Variants in AKAP19 observed in about 807,000 individuals in gnomAD.
AKAP19 encodes the protein A-kinase anchoring protein 19.
At chr2:190,142,748 A>G in the AKAP19 span, among the ~76,000 whole-genome samples, 2 of 152,244 alleles carry the variant, frequency 1.3e-5, no homozygotes, top group Non-Finnish European at 2.9e-5. Context: ...CCTTGACTGC[A>G]GCCACTGTGC....
At chr2:190,186,101 G>A in the AKAP19 span, among the ~76,000 whole-genome samples, 1 of 151,858 alleles carries the variant, frequency 6.6e-6, no homozygotes, top group Admixed American at 6.5e-5. This position sits in a 1 kb window ranked among gnomAD's most constrained non-coding sequence, Gnocchi z 5.5. Flanking sequence ...ACAGGCATAT[G>A]CCACCACACC....
At chr2:190,114,980 A>G in the AKAP19 span, among the ~76,000 whole-genome samples, 1 of 151,710 alleles carries the variant, frequency 6.6e-6, no homozygotes, top group East Asian at 1.9e-4. Context: ...TTATTTCAAA[A>G]TGCTCATGTT....
At chr2:189,982,657 A>G in the AKAP19 span, among the ~76,000 whole-genome samples, 1 of 92,640 alleles carries the variant, frequency 1.1e-5, no homozygotes, top group African/African-American at 4.2e-5. Flanking sequence ...TTTGGATGGA[A>G]CCTTAACTTT....
the AKAP19 span, among the ~76,000 whole-genome samples, chr2:190,083,008 T>G: frequency 6.6e-6 from 1 of 152,238 alleles, no homozygotes; most frequent in Non-Finnish European, 1.5e-5. Flanking sequence ...GCATACATTA[T>G]GGAATGGCTA....
the AKAP19 span, chr2:190,060,180 G>A: frequency 4.8e-5 from 77 of 1,612,928 alleles, no homozygotes; most frequent in Non-Finnish European, 6.4e-5. Flanking sequence ...TTGCAACACT[G>A]TCTTCACATC....
the AKAP19 span, among the ~76,000 whole-genome samples, chr2:189,897,030 T>C: frequency 0.012 from 1,884 of 152,220 alleles, 36 homozygotes; most frequent in African/African-American, 0.04. Flanking sequence ...CATTACTAGC[T>C]GTGTTACTGT....
the AKAP19 span, among the ~76,000 whole-genome samples, chr2:190,091,124 G>A: frequency 6.6e-6 from 1 of 152,188 alleles, no homozygotes; most frequent in Non-Finnish European, 1.5e-5. Context: ...CTGTTTACCA[G>A]TTGACACTTT....
At chr2:190,072,973 C>T in the AKAP19 span, among the ~76,000 whole-genome samples, 16 of 152,012 alleles carry the variant, frequency 1.1e-4, no homozygotes, top group African/African-American at 3.6e-4. Flanking sequence ...AAAGTGACAG[C>T]TAAAACAAAA....
chr2:190,104,771 C>A, the AKAP19 span, among the ~76,000 whole-genome samples: 1 of 151,998 alleles, frequency 6.6e-6, no homozygotes, highest in Non-Finnish European at 1.5e-5. Flanking sequence ...GCTTAGGTGA[C>A]AAAGCAAGAC....
At chr2:190,115,260 CATATATATATATATATATATATATATAT>C in the AKAP19 span, among the ~76,000 whole-genome samples, 405 of 11,138 alleles carry the variant, frequency 0.036, 9 homozygotes, top group Non-Finnish European at 0.051. Context: ...AGGCAAGAAG[CATATATATATATATATATATATATATAT>C]ATATATATAT....
chr2:189,939,324 G>A, the AKAP19 span, among the ~76,000 whole-genome samples: 3 of 152,280 alleles, frequency 2.0e-5, no homozygotes, highest in Admixed American at 1.3e-4. Flanking sequence ...CCCAATTTGG[G>A]ATGGGGAACA....
the AKAP19 span, among the ~76,000 whole-genome samples, chr2:189,910,002 T>G: frequency 6.6e-5 from 10 of 152,158 alleles, no homozygotes; most frequent in Admixed American, 1.3e-4. Context: ...TGCTTTAATT[T>G]GTGCTTGGAT....
At chr2:190,163,429 G>C in the AKAP19 span, among the ~76,000 whole-genome samples, 5 of 146,658 alleles carry the variant, frequency 3.4e-5, no homozygotes, top group South Asian at 1.1e-3. Context: ...GCGAGACTCC[G>C]TCTCAAAAAA....
At chr2:190,186,014 C>T in the AKAP19 span, among the ~76,000 whole-genome samples, 4 of 152,070 alleles carry the variant, frequency 2.6e-5, no homozygotes, top group Non-Finnish European at 5.9e-5. The surrounding 1 kb of genome is among the most constrained non-coding windows in gnomAD (Gnocchi z 5.5). Context: ...TGCAGTGGTG[C>T]GATCTTGGCT....
the AKAP19 span, among the ~76,000 whole-genome samples, chr2:189,983,439 G>C: frequency 6.6e-6 from 1 of 152,212 alleles, no homozygotes. Context: ...ACTTTCAGCA[G>C]GGGTAGAGCT....
At chr2:190,164,366 C>G in the AKAP19 span, among the ~76,000 whole-genome samples, 35 of 152,158 alleles carry the variant, frequency 2.3e-4, no homozygotes, top group African/African-American at 8.2e-4. Context: ...GAAACCCTGT[C>G]TCTATTAAAA....
At chr2:189,951,358 C>T in the AKAP19 span, among the ~76,000 whole-genome samples, 1 of 151,976 alleles carries the variant, frequency 6.6e-6, no homozygotes, top group Admixed American at 6.6e-5. Context: ...TGTGCCAGCG[C>T]ACCCGGCTAA....
the AKAP19 span, among the ~76,000 whole-genome samples, chr2:190,167,475 C>T: frequency 6.6e-6 from 1 of 152,182 alleles, no homozygotes; most frequent in Non-Finnish European, 1.5e-5. Flanking sequence ...CCAACAGTCC[C>T]CTGGAGTCTT....
chr2:190,062,860 A>G, the AKAP19 span: 2 of 399,838 alleles, frequency 5.0e-6, no homozygotes, highest in Non-Finnish European at 9.0e-6. Flanking sequence ...GTCCCAAGTC[A>G]CCAAGCAGTA....
Sources: allele counts gnomAD v4.1 joint callset (sites outside exome capture counted in the v4.1 genomes callset), GRCh38; gene constraint gnomAD v4.1.1; non-coding constraint Gnocchi (gnomAD v3.1); transcripts MANE v1.5; gene names NCBI Gene and HGNC (gene_info 2026-07-23, HGNC 2026-07-21).